C15orf61: variants seen among roughly 807,000 people sequenced by gnomAD.
The protein encoded by C15orf61 is uncharacterized protein C15orf61.
Under a neutral mutation model 13.7 loss-of-function variants are expected in C15orf61, and 12 were observed. That is an observed-to-expected ratio of 0.88 (90% CI 0.56 to 1.42). The LOEUF (loss-of-function observed/expected upper bound fraction) is 1.42. C15orf61 is among the 40% of genes most tolerant of loss of function. C15orf61 has a pLI of 0.00. For synonymous variants in C15orf61, 92 were observed against 94.1 expected, an observed-to-expected ratio of 0.98 and a Z score of 0.13; for missense variants, 248 against 213.2, an observed-to-expected ratio of 1.16 and a Z score of -1.02.
rs969169947 is a variant in C15orf61, at chr15:67,525,648, C to G, written c.347-770C>G. On this transcript the variant is annotated intron_variant, in intron 1 of 1. Coordinates refer to ENST00000342683, the MANE Select transcript of C15orf61 (RefSeq NM_001143936.2). This position sits in a 1 kb window ranked among gnomAD's most constrained non-coding sequence, Gnocchi z 4.9. ...TAGGTTTTGCTTTAGATTTTAAAGA[C>G]AGCTCTTTGACCGAGCTTCTTTTAA... 6.6e-6 allele frequency among the ~76,000 whole-genome samples: 1 copy of G among 152,150 alleles called. No homozygotes were observed. The highest frequency in any genetic ancestry group is 6.5e-5 in the Admixed American group (1 of 15,284).
chr15:67,523,463 C>T (rs1236249433), intron 1 of C15orf61, among the ~76,000 whole-genome samples: 1 of 152,090 alleles, frequency 6.6e-6, no homozygotes, highest in Non-Finnish European at 1.5e-5. Flanking sequence ...TTTTCTCCTC[C>T]GTCTTCCCTT....
rs1188301913 is a variant in C15orf61 at position 67,525,969 on chromosome 15, G to A, written c.347-449G>A. Among the ~76,000 whole-genome samples, 2 of 152,122 alleles carry A rather than the reference G, an allele frequency of 1.3e-5. No individual in the cohort carries two copies. Among genetic ancestry groups the A allele is most frequent in the African/African-American group, 2.4e-5 (1 of 41,418 alleles). ...GCGGAGGTGGCAGCGAGCCGAGATC[G>A]CGCCACTGCACTCCAACCTGCCAAC... On this transcript the variant is annotated intron_variant, in intron 1 of 1. Coordinates refer to ENST00000342683, the MANE Select transcript of C15orf61 (RefSeq NM_001143936.2). This position sits in a 1 kb window ranked among gnomAD's most constrained non-coding sequence, Gnocchi z 4.9.
At chr15:67,522,607 C>G (rs1293550585) in intron 1 of C15orf61, among the ~76,000 whole-genome samples, 1 of 152,128 alleles carries the variant, frequency 6.6e-6, no homozygotes, top group Non-Finnish European at 1.5e-5. Context: ...TTTAAAAATG[C>G]CTCTTATTAT....
chr15:67,522,182 C>T, intron 1 of C15orf61: 1 of 701,996 alleles, frequency 1.4e-6, no homozygotes, highest in South Asian at 1.5e-5. Flanking sequence ...TGGAGACGCC[C>T]TGAGGATGTT....
Position 67,527,950 on chromosome 15 carries a change from A to G in C15orf61, c.*1405A>G, listed in dbSNP as rs2084207649. ...GCTTACACAAAGGAGATAGTGTTAC[A>G]TTAAGCTTCATTAATAATAAAACAA... On this transcript the variant is annotated 3_prime_UTR_variant, in exon 2 of 2. Coordinates refer to ENST00000342683, the MANE Select transcript of C15orf61 (RefSeq NM_001143936.2). 6.6e-6 allele frequency: 1 copy of G among 152,236 alleles called. No homozygotes were observed. Among genetic ancestry groups the G allele is most frequent in the African/African-American group, 2.4e-5 (1 of 41,466 alleles). The allele number at this position is 152,236 out of a possible 1,614,324, so 9.4% of individuals were successfully genotyped here.
At chr15:67,521,843 G>T in intron 1 of C15orf61, 1 of 609,648 alleles carries the variant, frequency 1.6e-6, no homozygotes, top group Admixed American at 3.0e-5. Context: ...GGGGCGGGTC[G>T]CCCTCCTGTC....
Position 67,529,245 on chromosome 15 carries a change from G to A in C15orf61, c.*2700G>A, listed in dbSNP as rs1244788342. ...CCTAGGCAAAATTCTTAGTTCCTGT[G>A]TAAGTTGTGAGCCACTATAAAGATG... On this transcript the variant is annotated 3_prime_UTR_variant, in exon 2 of 2. Transcript: ENST00000342683. The surrounding 1 kb of genome is among the most constrained non-coding windows in gnomAD (Gnocchi z 4.4). 6.6e-6 allele frequency: 1 copy of A among 152,136 alleles called. No homozygotes were observed. Among genetic ancestry groups the A allele is most frequent in the East Asian group, 1.9e-4 (1 of 5,200 alleles). The allele number at this position is 152,136 out of a possible 1,614,324, so 9.4% of individuals were successfully genotyped here.
At chr15:67,526,355 C>T (rs748086409) in intron 1 of C15orf61, 63 bp from the exon 2 acceptor site, 8 of 1,060,888 alleles carry the variant, frequency 7.5e-6, no homozygotes, top group East Asian at 5.3e-5. Context: ...GAGTGTTATA[C>T]GTGATCAGTA....
At chr15:67,522,312 C>G in intron 1 of C15orf61, 1 of 684,284 alleles carries the variant, frequency 1.5e-6, no homozygotes, top group South Asian at 1.6e-5. Context: ...ATGTTTTGAA[C>G]TTACTAATAG....
In C15orf61 at chr15:67,528,231, C is replaced by T. The variant is rs1416003071; in HGVS notation, c.*1686C>T. 2.6e-5 allele frequency: 4 copies of T among 152,302 alleles called. No individual in the cohort carries two copies. The East Asian group carries it at 7.7e-4, about 29-fold the overall frequency. 9.4% of individuals were successfully genotyped at this position (152,302 alleles called of 1,614,324 possible). A position where few individuals can be genotyped will look rare whatever the true frequency, so the allele number is the denominator to read the frequency against. On this transcript the variant is annotated 3_prime_UTR_variant, in exon 2 of 2. Transcript: ENST00000342683. ...CCTGTTTGATTTCTGATAATTTGTA[C>T]TGCTGACTCTGCTTACCTGTTTTTC...
In C15orf61 at chr15:67,527,809, A is replaced by G. The variant is rs1007671948; in HGVS notation, c.*1264A>G. The G allele has an allele frequency of 1.3e-5, 2 of 152,212 alleles. No individual in the cohort carries two copies. Among genetic ancestry groups the G allele is most frequent in the Non-Finnish European group, 2.9e-5 (2 of 68,018 alleles). 9.4% of individuals were successfully genotyped at this position (152,212 alleles called of 1,614,324 possible). The stretch of plus-strand genomic sequence containing the variant: ...GATCTACAGAGTGAACTGTTCTTCA[A>G]ATATATGTGGTGTTCACTTGTCTAA... On this transcript the variant is annotated 3_prime_UTR_variant, in exon 2 of 2. Transcript: ENST00000342683.
At position 67,525,024 on chromosome 15, in the gene C15orf61, C is replaced by T. The variant is rs1259010735; in HGVS notation, c.347-1394C>T. ...GCTAATTTTGTATTTTTTGTAGAGA[C>T]GGGGTTTCTCCATGTTGGTCAGGCT... On this transcript the variant is annotated intron_variant, in intron 1 of 1. Coordinates refer to ENST00000342683, the MANE Select transcript of C15orf61 (RefSeq NM_001143936.2). The surrounding 1 kb of genome is among the most constrained non-coding windows in gnomAD (Gnocchi z 4.9). Among the ~76,000 whole-genome samples the T allele has an allele frequency of 6.6e-5, 10 of 151,960 alleles. No homozygotes were observed. Among genetic ancestry groups the T allele is most frequent in the African/African-American group, 1.4e-4 (6 of 41,382 alleles).
chr15:67,525,902 T>C lies in C15orf61; in HGVS notation c.347-516T>C, dbSNP rs2084196223. On this transcript the variant is annotated intron_variant, in intron 1 of 1. Coordinates refer to ENST00000342683, the MANE Select transcript of C15orf61 (RefSeq NM_001143936.2). The surrounding 1 kb of genome is among the most constrained non-coding windows in gnomAD (Gnocchi z 4.9). ...GGTGGCGCGCGCCTGTAGTCCCAGC[T>C]ACTCAGGAGGCTGAGGCAGGAGAAT... Among the ~76,000 whole-genome samples, 1 of 152,108 alleles carries C rather than the reference T, an allele frequency of 6.6e-6. No individual in the cohort carries two copies. Among genetic ancestry groups the C allele is most frequent in the South Asian group, 2.1e-4 (1 of 4,822 alleles).
chr15:67,521,817 TCCTCGGGCCTAGGGAGGGGCGGGTCGC>T, intron 1 of C15orf61: 1 of 615,498 alleles, frequency 1.6e-6, no homozygotes, highest in South Asian at 2.0e-5. Flanking sequence ...TGCGGGCGCG[TCCTCGGGCCTAGGGAGGGGCGGGTCGC>T]CCTCCTGTCC....
At chr15:67,521,789 C>T in intron 1 of C15orf61, 195 bp downstream of exon 1, 1 of 658,622 alleles carries the variant, frequency 1.5e-6, no homozygotes, top group Non-Finnish European at 2.6e-6. Context: ...CTCCTGGCAC[C>T]CGAAGCCGTT....
In C15orf61 at chr15:67,528,202, C is replaced by G. The variant is rs1459344357; in HGVS notation, c.*1657C>G. The G allele has an allele frequency of 6.6e-6, 1 of 152,206 alleles. No individual in the cohort carries two copies. The highest frequency in any genetic ancestry group is 1.5e-5 in the Non-Finnish European group (1 of 68,034). The allele number at this position is 152,206 out of a possible 1,614,324, so 9.4% of individuals were successfully genotyped here. On this transcript the variant is annotated 3_prime_UTR_variant, in exon 2 of 2. Coordinates refer to ENST00000342683, the MANE Select transcript of C15orf61 (RefSeq NM_001143936.2). ...CAGTAGAGTTGCACCTCTTTTCACA[C>G]TGGCCTGTTTGATTTCTGATAATTT...
At chr15:67,521,715 C>G in intron 1 of C15orf61, 121 bp downstream of exon 1, 1 of 1,067,434 alleles carries the variant, frequency 9.4e-7, no homozygotes, top group East Asian at 2.6e-5. Context: ...AGCTCTGCCT[C>G]CCGGCGCCGG....
chr15:67,524,837 G>GTTTTTTTTTTTTT (rs374398669), intron 1 of C15orf61, among the ~76,000 whole-genome samples: 3 of 122,806 alleles, frequency 2.4e-5, no homozygotes, highest in Non-Finnish European at 3.3e-5. Context: ...TTTTTTGTTT[G>GTTTTTTTTTTTTT]TTTTTTTTTT....
chr15:67,525,604 C>T lies in C15orf61; in HGVS notation c.347-814C>T, dbSNP rs1013289284. ...AGTTTTTTTTCTCATGCCTGTTGTA[C>T]TGAAATCTTACTTGGAGTTAGGTTT... is the stretch of plus-strand genomic sequence containing the variant. On this transcript the variant is annotated intron_variant, in intron 1 of 1. Transcript: ENST00000342683. The surrounding 1 kb of genome is among the most constrained non-coding windows in gnomAD (Gnocchi z 4.9). Among the ~76,000 whole-genome samples the T allele has an allele frequency of 6.6e-6, 1 of 152,138 alleles. No homozygotes were observed. Among genetic ancestry groups the T allele is most frequent in the East Asian group, 1.9e-4 (1 of 5,190 alleles).
Sources: allele counts gnomAD v4.1 joint callset (sites outside exome capture counted in the v4.1 genomes callset), GRCh38; gene constraint gnomAD v4.1.1; non-coding constraint Gnocchi (gnomAD v3.1); transcripts MANE v1.5; gene names NCBI Gene and HGNC (gene_info 2026-07-23, HGNC 2026-07-21).